Variants in PAMR1 observed in about 807,000 individuals in gnomAD.
The protein encoded by PAMR1 is inactive serine protease PAMR1.
Under a neutral mutation model 81.8 loss-of-function variants are expected in PAMR1, and 88 were observed. The observed-to-expected ratio is 1.08, with a 90% CI of 0.91 to 1.28. PAMR1 has a LOEUF of 1.28. Among genes scored for constraint, PAMR1 ranks in the 50% most tolerant of loss-of-function variants. The pLI is 0.00. For synonymous variants in PAMR1, 336 were observed against 345.3 expected (o/e 0.97, Z 0.30); for missense variants, 935 against 919.7 (o/e 1.02, Z -0.21).
rs373326328 is a variant in PAMR1, at chr11:35,442,225, T to C, written c.821-532A>G. On this transcript the variant is annotated intron_variant, in intron 6 of 10. Coordinates refer to ENST00000619888, the MANE Select transcript of PAMR1 (RefSeq NM_001001991.3). The stretch of plus-strand genomic sequence containing the variant: ...AGGAAAATAAGTGTATTGAAAGTTA[T>C]AGTTAAAAATACTACAGAACAATAT... Among the ~76,000 whole-genome samples, 19 of 152,352 alleles carry C rather than the reference T, an allele frequency of 1.2e-4. No homozygotes were observed. In the East Asian group the frequency reaches 2.3e-3, roughly 19 times the overall value.
intron 6 of PAMR1, among the ~76,000 whole-genome samples, chr11:35,464,832 A>T (rs1373498553): frequency 6.6e-6 from 1 of 152,214 alleles, no homozygotes; most frequent in Admixed American, 6.5e-5. Context: ...TTAAGTAGAA[A>T]ATCTACTTCT....
chr11:35,510,605 T>C (rs1851054838), intron 1 of PAMR1, among the ~76,000 whole-genome samples: 1 of 152,212 alleles, frequency 6.6e-6, no homozygotes, highest in Non-Finnish European at 1.5e-5. Flanking sequence ...ATGTCTATCC[T>C]TCAAGTCATG....
chr11:35,486,483 G>A (rs1850510342), intron 3 of PAMR1, among the ~76,000 whole-genome samples: 1 of 152,190 alleles, frequency 6.6e-6, no homozygotes, highest in African/African-American at 2.4e-5. Context: ...AATATCTTTT[G>A]ACTGGATGGG....
At chr11:35,504,544 G>C (rs1850914131) in intron 1 of PAMR1, among the ~76,000 whole-genome samples, 1 of 152,010 alleles carries the variant, frequency 6.6e-6, no homozygotes, top group Admixed American at 6.6e-5. Flanking sequence ...TTTTATTACA[G>C]CTTCAACCTT....
intron 6 of PAMR1, among the ~76,000 whole-genome samples, chr11:35,464,254 A>T (rs1856717370): frequency 6.6e-6 from 1 of 152,276 alleles, no homozygotes; most frequent in Admixed American, 6.5e-5. Flanking sequence ...ATATATAATT[A>T]TATTAACACA....
chr11:35,434,233 C>T (rs541342955), intron 10 of PAMR1, among the ~76,000 whole-genome samples: 1 of 152,152 alleles, frequency 6.6e-6, no homozygotes, highest in African/African-American at 2.4e-5. Context: ...AGGAGAAGTA[C>T]ATTTTACTCT....
At chr11:35,515,367 T>C (rs1224003079) in intron 1 of PAMR1, among the ~76,000 whole-genome samples, 2 of 152,196 alleles carry the variant, frequency 1.3e-5, no homozygotes, top group Admixed American at 6.5e-5. Flanking sequence ...AGATGTCAAG[T>C]GTAGAAATAT....
intron 1 of PAMR1, among the ~76,000 whole-genome samples, chr11:35,514,054 A>G (rs1851119704): frequency 6.6e-6 from 1 of 152,034 alleles, no homozygotes; most frequent in Admixed American, 6.6e-5. Context: ...CTTCTGGGCT[A>G]TACTCTGAAC....
chr11:35,442,568 A>G (rs540377042), intron 6 of PAMR1, among the ~76,000 whole-genome samples: 3 of 151,648 alleles, frequency 2.0e-5, no homozygotes, highest in Non-Finnish European at 3.0e-5. Flanking sequence ...TCAACCTATC[A>G]GCCTCCCTAC....
rs114923275 is a variant in PAMR1, at chr11:35,456,029, T to G, written c.820+11972A>C. Among the ~76,000 whole-genome samples, 1,170 of 152,276 alleles carry G rather than the reference T, an allele frequency of 7.7e-3. 19 individuals are homozygous for G. The highest frequency in any genetic ancestry group is 0.027 in the African/African-American group (1,119 of 41,540). ...TAGTTCCAACTAGTACTTGAAGGGA[T>G]GTCACTGCAGGAAATTCAATTTTAC... On this transcript the variant is annotated intron_variant, in intron 6 of 10. Coordinates refer to ENST00000619888, the MANE Select transcript of PAMR1 (RefSeq NM_001001991.3).
rs1856838690 is a variant in PAMR1 at position 35,470,704 on chromosome 11, C to A, written c.609G>T (p.Arg203=). The A allele has an allele frequency of 6.2e-7, 1 of 1,614,120 alleles. No homozygotes were observed. The highest frequency in any genetic ancestry group is 8.5e-7 in the Non-Finnish European group (1 of 1,179,998). ...QIIKRVCGNE[R]PAPIQSIGSS... is the part of the protein sequence containing the mutation. ...ATCCTATGCTCTGGATAGGAGCTGG[C>A]CGCTCGTTGCCACAGACACGCTTGA... is the stretch of plus-strand genomic sequence containing the variant. Residue 203 remains arginine (R), a synonymous_variant, in exon 5 of 11, where the codon CGG becomes CGT. Transcript: ENST00000619888.
chr11:35,466,555 G>A (rs1856760092), intron 6 of PAMR1, among the ~76,000 whole-genome samples: 1 of 151,820 alleles, frequency 6.6e-6, no homozygotes, highest in Non-Finnish European at 1.5e-5. Context: ...GTGCAAACCC[G>A]TCTCTGTTAA....
chr11:35,441,946 T>C (rs1215666177), intron 6 of PAMR1, among the ~76,000 whole-genome samples: 1 of 152,240 alleles, frequency 6.6e-6, no homozygotes, highest in Admixed American at 6.5e-5. Flanking sequence ...CTGGCTCTTA[T>C]ATCATCTTGT....
intron 1 of PAMR1, among the ~76,000 whole-genome samples, chr11:35,523,300 C>T (rs1851319560): frequency 6.6e-6 from 1 of 152,194 alleles, no homozygotes; most frequent in African/African-American, 2.4e-5. Context: ...CATTTATGTT[C>T]ATTCCCCACA....
At chr11:35,440,652 A>G (rs1313887153) in intron 7 of PAMR1, among the ~76,000 whole-genome samples, 1 of 152,224 alleles carries the variant, frequency 6.6e-6, no homozygotes, top group Non-Finnish European at 1.5e-5. Context: ...GAATCAATTC[A>G]GTGAGAAACT....
chr11:35,514,894 A>C (rs2135421708), intron 1 of PAMR1, among the ~76,000 whole-genome samples: 1 of 152,234 alleles, frequency 6.6e-6, no homozygotes, highest in South Asian at 2.1e-4. Flanking sequence ...GGTCCCAGCT[A>C]CTCAGGAAGC....
intron 3 of PAMR1, among the ~76,000 whole-genome samples, chr11:35,475,371 A>G (rs1192595229): frequency 1.3e-5 from 2 of 152,198 alleles, no homozygotes; most frequent in Non-Finnish European, 2.9e-5. Context: ...ATAAAGTCCT[A>G]TCAAGATCAC....
intron 1 of PAMR1, among the ~76,000 whole-genome samples, chr11:35,511,529 G>A (rs902943682): frequency 6.6e-6 from 1 of 152,212 alleles, no homozygotes; most frequent in Admixed American, 6.5e-5. Context: ...TCATGTGCCT[G>A]TTCCTCTTCC....
rs1159866402 is a variant in PAMR1, at chr11:35,470,728, G to A, written c.585C>T (p.Ile195=). Residue 195 remains isoleucine, a synonymous_variant, in exon 5 of 11, where the codon ATC becomes ATT. Transcript: ENST00000619888. ...RDGDNRDGQI[I]KRVCGNERPA... ...GCCGCTCGTTGCCACAGACACGCTT[G>A]ATGATCTGGCCATCGCGGTTGTCTC... 1 of 1,614,010 alleles carries A rather than the reference G, an allele frequency of 6.2e-7. No homozygotes were observed. The highest frequency in any genetic ancestry group is 1.3e-5 in the African/African-American group (1 of 74,926).
Sources: gnomAD v4.1 joint callset for allele counts (sites outside exome capture counted in the v4.1 genomes callset) on GRCh38, gnomAD v4.1.1 for gene constraint, MANE v1.5 for transcripts, NCBI Gene and HGNC (gene_info 2026-07-23, HGNC 2026-07-21) for gene names.